Variants in LOXL2 observed in about 807,000 individuals in gnomAD.
The protein encoded by LOXL2 is lysyl oxidase like 2, also known as lysyl oxidase homolog 2.
LOXL2 carries 70 observed loss-of-function variants against 93.0 expected under a neutral mutation model. That is an observed-to-expected ratio of 0.75 (90% confidence interval 0.62 to 0.92). The LOEUF is 0.92. Ranked by LOEUF, LOXL2 falls within the 40% of genes least tolerant of loss-of-function variation. The pLI is 0.00. For synonymous variants in LOXL2, 438 were observed against 413.2 expected (o/e 1.06, Z -0.73); for missense variants, 973 against 1,054.9 (o/e 0.92, Z 1.08).
At chr8:23,367,302 G>A (rs1018060707) in intron 2 of LOXL2, among the ~76,000 whole-genome samples, 9 of 152,080 alleles carry the variant, frequency 5.9e-5, no homozygotes, top group African/African-American at 7.2e-5. Context: ...TCCCGCCTCC[G>A]TCTCCCAAAG....
At position 23,370,674 on chromosome 8, in the gene LOXL2, G is replaced by T. The variant is rs142637323; in HGVS notation, c.-83-2240C>A. 2.0e-5 allele frequency: 3 copies of T among 151,322 alleles called. No homozygotes were observed. In the South Asian group the frequency reaches 6.4e-4, roughly 32 times the overall value. 9.4% of individuals were successfully genotyped at this position (151,322 alleles called of 1,614,324 possible). On this transcript the variant is annotated intron_variant, in intron 1 of 13. Transcript: ENST00000389131. ...CTCTGCTTTCCCCCGGAAGATACTC[G>T]CCAATTCCACGGCAGTGATCAACAG...
chr8:23,336,055 G>GCA (rs1803785680), intron 4 of LOXL2: 2 of 152,276 alleles, frequency 1.3e-5, no homozygotes, highest in African/African-American at 4.8e-5. Context: ...CAAGGCCCCT[G>GCA]CACTTGGAAG....
chr8:23,342,051 C>A (rs1376677913), intron 3 of LOXL2, among the ~76,000 whole-genome samples: 1 of 152,076 alleles, frequency 6.6e-6, no homozygotes, highest in East Asian at 1.9e-4. Context: ...TTGGCAGGGC[C>A]CTTTGGGAGG....
At chr8:23,327,559 A>T (rs1213082235) in intron 6 of LOXL2, among the ~76,000 whole-genome samples, 1 of 152,060 alleles carries the variant, frequency 6.6e-6, no homozygotes, top group Non-Finnish European at 1.5e-5. Context: ...CCTGCTGGTC[A>T]AGGCTGAAAA....
At position 23,297,865 on chromosome 8, in the gene LOXL2, C is replaced by G. The variant is rs1803062595; in HGVS notation, c.*178G>C. On this transcript the variant is annotated 3_prime_UTR_variant, in exon 14 of 14. Coordinates refer to ENST00000389131, the MANE Select transcript of LOXL2 (RefSeq NM_002318.3). ...CCCCAAGGGTCAGGTAGCAGCCCCC[C>G]ATGAATGATGGGAGGGTCCCTTTCC... 3.5e-6 allele frequency: 2 copies of G among 579,404 alleles called. No homozygotes were observed. Among genetic ancestry groups the G allele is most frequent in the East Asian group, 5.8e-5 (2 of 34,460 alleles). The allele number at this position is 579,404 out of a possible 1,614,324, so 35.9% of individuals were successfully genotyped here. A position where few individuals can be genotyped will look rare whatever the true frequency, so the allele number is the denominator to read the frequency against.
chr8:23,344,390 G>A (rs961673548), intron 3 of LOXL2, among the ~76,000 whole-genome samples: 1 of 151,962 alleles, frequency 6.6e-6, no homozygotes, highest in African/African-American at 2.4e-5. Flanking sequence ...GTCTGTGTGT[G>A]TGTGGTGTGT....
chr8:23,302,259 T>G, intron 11 of LOXL2, 96 bp from the exon 12 acceptor site: 2 of 1,503,214 alleles, frequency 1.3e-6, no homozygotes, highest in South Asian at 2.4e-5. Flanking sequence ...CTGCTTCATC[T>G]GGGCTCGGCA....
In LOXL2 at chr8:23,298,057, G is replaced by A. The variant is rs755608470; in HGVS notation, c.2311C>T (p.Leu771=). 6 of 1,613,836 alleles carry A rather than the reference G, an allele frequency of 3.7e-6. No individual in the cohort carries two copies. In the South Asian group the frequency reaches 6.6e-5, roughly 18 times the overall value. ...EHFSGLLNNQ[L]SPQ ...CGCAGGCTTCTTTACTGCGGGGACA[G>A]CTGGTTGTTTAAGAGCCCGCTGAAG... is the stretch of plus-strand genomic sequence containing the variant. The change falls in exon 14 of 14, where the codon CTG becomes TTG. Residue 771 remains leucine, a synonymous_variant. Coordinates refer to ENST00000389131, the MANE Select transcript of LOXL2 (RefSeq NM_002318.3).
At chr8:23,312,051 G>A (rs573480243) in intron 9 of LOXL2, among the ~76,000 whole-genome samples, 1 of 152,314 alleles carries the variant, frequency 6.6e-6, no homozygotes, top group East Asian at 1.9e-4. Context: ...AAATCTAGAA[G>A]AAATGGATAA....
Position 23,368,222 on chromosome 8 carries a change from A to G in LOXL2, c.130T>C (p.Tyr44His). The change falls in exon 2 of 14, where the codon TAT (tyrosine) becomes CAT (histidine). Residue 44 changes from tyrosine (Y) to histidine (H), a missense_variant. Physicochemically the swap from Tyr to His is moderately conservative, Grantham distance 83. Transcript: ENST00000389131. ...PEYFQQPAPE[Y>H]HQPQAPANVA... ...TTGGCGGGGGCCTGGGGCTGGTGATACTCAGGAGCCGGTTGCTGGAAGTAC... is the reference window on the plus strand; with the variant it reads ...TTGGCGGGGGCCTGGGGCTGGTGATGCTCAGGAGCCGGTTGCTGGAAGTAC... The G allele has an allele frequency of 6.2e-7, 1 of 1,613,928 alleles. No individual in the cohort carries two copies. The highest frequency in any genetic ancestry group is 8.5e-7 in the Non-Finnish European group (1 of 1,180,002).
intron 1 of LOXL2, among the ~76,000 whole-genome samples, chr8:23,386,880 C>A (rs1392380152): frequency 6.6e-6 from 1 of 152,154 alleles, no homozygotes; most frequent in African/African-American, 2.4e-5. Flanking sequence ...TTCACAGGCA[C>A]GCAAGGGTCC....
chr8:23,387,305 C>T (rs1190932554), intron 1 of LOXL2, among the ~76,000 whole-genome samples: 1 of 152,166 alleles, frequency 6.6e-6, no homozygotes, highest in Non-Finnish European at 1.5e-5. Context: ...ACTGTGTCCT[C>T]GGGGGGTATC....
At chr8:23,356,994 G>A (rs1232219599) in intron 3 of LOXL2, among the ~76,000 whole-genome samples, 2 of 152,106 alleles carry the variant, frequency 1.3e-5, no homozygotes, top group African/African-American at 4.8e-5. Context: ...GAATAAAGGT[G>A]GGGCTAAGCT....
At chr8:23,321,260 C>T (rs945314965) in intron 7 of LOXL2, among the ~76,000 whole-genome samples, 6 of 152,230 alleles carry the variant, frequency 3.9e-5, no homozygotes, top group African/African-American at 1.4e-4. Flanking sequence ...CCAAGGGCAC[C>T]TGCCAAGGCT....
At chr8:23,323,368 C>T (rs975796452) in intron 6 of LOXL2, among the ~76,000 whole-genome samples, 2 of 152,202 alleles carry the variant, frequency 1.3e-5, no homozygotes, top group Admixed American at 6.5e-5. Flanking sequence ...CTGGTCCAAA[C>T]GCCCACGCTC....
chr8:23,299,037 G>A lies in LOXL2; in HGVS notation c.2134-90C>T. On this transcript the variant is annotated intron_variant, in intron 12 of 13. Coordinates refer to ENST00000389131, the MANE Select transcript of LOXL2 (RefSeq NM_002318.3). ...GGCTCTGAGAGACCAGCACCTCAGG[G>A]AAGGGGAGCGTGGCAGGTGCCGGGA... 3 of 772,298 alleles carry A rather than the reference G, an allele frequency of 3.9e-6. No homozygotes were observed. In the South Asian group the frequency reaches 4.3e-5, roughly 11 times the overall value. 47.8% of individuals were successfully genotyped at this position (772,298 alleles called of 1,614,324 possible).
chr8:23,329,463 C>A (rs1362074996), intron 5 of LOXL2, among the ~76,000 whole-genome samples: 2 of 152,212 alleles, frequency 1.3e-5, no homozygotes, highest in Non-Finnish European at 2.9e-5. Flanking sequence ...TGCATCATGT[C>A]TTACAAGATG....
intron 1 of LOXL2, among the ~76,000 whole-genome samples, chr8:23,383,125 C>T (rs545805185): frequency 6.6e-6 from 1 of 152,292 alleles, no homozygotes; most frequent in East Asian, 1.9e-4. Flanking sequence ...CTGTGGCCTT[C>T]CCGTCTTCCA....
chr8:23,318,460 C>CACAAAA (rs774304581), intron 8 of LOXL2, among the ~76,000 whole-genome samples: 26 of 109,074 alleles, frequency 2.4e-4, no homozygotes, highest in African/African-American at 1.1e-3. Flanking sequence ...CACACACACA[C>CACAAAA]AAAAATACAC....
Sources: allele counts gnomAD v4.1 joint callset (sites outside exome capture counted in the v4.1 genomes callset), GRCh38; gene constraint gnomAD v4.1.1; transcripts MANE v1.5; gene names NCBI Gene and HGNC (gene_info 2026-07-23, HGNC 2026-07-21).